PPP1R15B: variants seen among roughly 807,000 people sequenced by gnomAD.
PPP1R15B encodes the protein protein phosphatase 1, regulatory (inhibitor) subunit 15B.
Under a neutral mutation model 53.9 loss-of-function variants are expected in PPP1R15B, and 31 were observed. The observed-to-expected ratio is 0.58, with a 90% CI of 0.43 to 0.78. PPP1R15B has a LOEUF of 0.78. Among genes scored for constraint, PPP1R15B ranks in the 30% least tolerant of loss-of-function variants. The pLI, the probability that PPP1R15B is intolerant of heterozygous loss-of-function variation, is 0.00. For synonymous variants in PPP1R15B, 345 were observed against 329.1 expected, an observed-to-expected ratio of 1.05 and a Z score of -0.52; for missense variants, 928 against 849.6, an observed-to-expected ratio of 1.09 and a Z score of -1.15.
chr1:204,402,543 G>A (rs1674195311), downstream of PPP1R15B, among the ~76,000 whole-genome samples: 8 of 152,038 alleles, frequency 5.3e-5, no homozygotes, highest in South Asian at 1.7e-3. Flanking sequence ...CAGTAACTGG[G>A]TCTATAGGCT....
In PPP1R15B at chr1:204,411,288, G is replaced by A. The variant is rs1335888240; in HGVS notation, c.124C>T (p.Pro42Ser). The part of the protein sequence containing the change: ...GSSKFPTPLG[P>S]ENSGNPTLLS... ...AGTGTGGGGTTCCCGGAGTTTTCCG[G>A]GCCAAGAGGCGTCGGGAACTTAGAA... Residue 42 changes from proline (P) to serine (S), a missense_variant, in exon 1 of 2, where the codon CCG (proline) becomes TCG (serine). Pro to Ser is a moderately conservative substitution (Grantham distance 74, BLOSUM62 -1). Transcript: ENST00000367188. 6.2e-7 allele frequency: 1 copy of A among 1,614,214 alleles called. No homozygotes were observed. Among genetic ancestry groups the A allele is most frequent in the Admixed American group, 1.7e-5 (1 of 60,030 alleles).
At chr1:204,406,526 G>T (rs1674267124) in intron 1 of PPP1R15B, among the ~76,000 whole-genome samples, 2 of 152,106 alleles carry the variant, frequency 1.3e-5, no homozygotes, top group African/African-American at 4.8e-5. Flanking sequence ...GAAGCAGGCG[G>T]ATCACCTGAG....
At chr1:204,400,444 G>C (rs2103439525), downstream of PPP1R15B, among the ~76,000 whole-genome samples, 1 of 151,620 alleles carries the variant, frequency 6.6e-6, no homozygotes, top group East Asian at 1.9e-4. Flanking sequence ...CAAGTAGGTG[G>C]GACTACAGGC....
downstream of PPP1R15B, among the ~76,000 whole-genome samples, chr1:204,403,086 T>C (rs1413487946): frequency 6.6e-6 from 1 of 151,960 alleles, no homozygotes; most frequent in Non-Finnish European, 1.5e-5. Flanking sequence ...ATAATAATAA[T>C]AATGCACAAA....
At chr1:204,398,780 CAA>C (rs1019085315), downstream of PPP1R15B, among the ~76,000 whole-genome samples, 12 of 152,260 alleles carry the variant, frequency 7.9e-5, no homozygotes, top group African/African-American at 2.9e-4. Flanking sequence ...AATCTTCTGC[CAA>C]AGAGCTAAAA....
In PPP1R15B at chr1:204,410,303, G is replaced by A. The variant is rs766490167; in HGVS notation, c.1109C>T (p.Thr370Ile). ...STEEKIELLT[T>I]EVPLALEEES... ...TTCTTCCAAAGCAAGTGGAACCTCTGTAGTTAATAATTCTATTTTTTCTTC... is the reference window on the plus strand; with the variant it reads ...TTCTTCCAAAGCAAGTGGAACCTCTATAGTTAATAATTCTATTTTTTCTTC... The change falls in exon 1 of 2, where the codon ACA (threonine) becomes ATA (isoleucine). Residue 370 changes from threonine to isoleucine, a missense_variant. Physicochemically the swap from Thr to Ile is moderately conservative, Grantham distance 89. Coordinates refer to ENST00000367188, the MANE Select transcript of PPP1R15B (RefSeq NM_032833.5). 3 of 1,614,022 alleles carry A rather than the reference G, an allele frequency of 1.9e-6. No individual in the cohort carries two copies. Among genetic ancestry groups the A allele is most frequent in the East Asian group, 4.5e-5 (2 of 44,902 alleles).
rs971054845 is a variant in PPP1R15B, at chr1:204,410,277, C to G, written c.1135G>C (p.Glu379Gln). ...TTEVPLALEE[E>Q]SPSEGCPSSE... ...GATGGACAGCCCTCAGAAGGGCTCT[C>G]TTCTTCCAAAGCAAGTGGAACCTCT... Residue 379 changes from glutamate to glutamine, a missense_variant, in exon 1 of 2, where the codon GAG (glutamate) becomes CAG (glutamine). Physicochemically the swap from Glu to Gln is conservative, Grantham distance 29. Transcript: ENST00000367188. The G allele has an allele frequency of 1.9e-5, 30 of 1,614,050 alleles. No homozygotes were observed. The highest frequency in any genetic ancestry group is 2.4e-5 in the Non-Finnish European group (28 of 1,180,040).
At chr1:204,403,363 G>C, downstream of PPP1R15B, 1 of 648,600 alleles carries the variant, frequency 1.5e-6, no homozygotes, top group Non-Finnish European at 1.9e-6. Context: ...ATAATATAAA[G>C]TTGAACCAAA....
rs977861847 is a variant in PPP1R15B at position 204,404,860 on chromosome 1, A to T, written c.*1232T>A. The T allele has an allele frequency of 2.9e-5, 29 of 985,792 alleles. No individual in the cohort carries two copies. In the African/African-American group the frequency reaches 4.9e-4, roughly 17 times the overall value. The allele number at this position is 985,792 out of a possible 1,614,324, so 61.1% of individuals were successfully genotyped here. ...AGCTAAACAAATAAACCAAACACAA[A>T]CAGTCAATGCAAAGACTTCAATTCA... On this transcript the variant is annotated 3_prime_UTR_variant, in exon 2 of 2. Coordinates refer to ENST00000367188, the MANE Select transcript of PPP1R15B (RefSeq NM_032833.5).
rs1674368737 is a variant in PPP1R15B, at chr1:204,411,188, G to A, written c.224C>T (p.Pro75Leu). 1 of 1,614,234 alleles carries A rather than the reference G, an allele frequency of 6.2e-7. No individual in the cohort carries two copies. Among genetic ancestry groups the A allele is most frequent in the South Asian group, 1.1e-5 (1 of 91,088 alleles). ...KLLSQLLAPL[P>L]GLLQKVLIWS... ...AATTAGCACCTTCTGAAGCAATCCG[G>A]GGAGCGGCGCAAGGAGCTGGGAGAG... Residue 75 changes from proline to leucine, a missense_variant, in exon 1 of 2, where the codon CCC becomes CTC. Coordinates refer to ENST00000367188, the MANE Select transcript of PPP1R15B (RefSeq NM_032833.5).
At chr1:204,406,665 C>T (rs1336823377) in intron 1 of PPP1R15B, among the ~76,000 whole-genome samples, 1 of 151,418 alleles carries the variant, frequency 6.6e-6, no homozygotes, top group African/African-American at 2.4e-5. Context: ...GGTAGGAGAA[C>T]AGTTTGAACC....
Position 204,411,598 on chromosome 1 carries a change from G to A in PPP1R15B, c.-187C>T. The A allele has an allele frequency of 5.5e-6, 4 of 730,204 alleles. No individual in the cohort carries two copies. The highest frequency in any genetic ancestry group is 6.6e-6 in the Non-Finnish European group (3 of 452,090). 45.2% of individuals were successfully genotyped at this position (730,204 alleles called of 1,614,324 possible). A position where few individuals can be genotyped will look rare whatever the true frequency, so the allele number is the denominator to read the frequency against. ...TGCGGCAGCGGGCGGCAGAACACAG[G>A]GAAGAACAGCCCGCGCAATAGGCGG... is the stretch of plus-strand genomic sequence containing the variant. On this transcript the variant is annotated 5_prime_UTR_variant, in exon 1 of 2. Transcript: ENST00000367188.
rs562992054 is a variant in PPP1R15B at position 204,403,706 on chromosome 1, T to C, written c.*2386A>G. On this transcript the variant is annotated 3_prime_UTR_variant, in exon 2 of 2. Coordinates refer to ENST00000367188, the MANE Select transcript of PPP1R15B (RefSeq NM_032833.5). ...TTAACAAGACTTTAAATGTATAAAA[T>C]GTTTAATTAAAACCTCCAAAGATTT... 2 of 984,926 alleles carry C rather than the reference T, an allele frequency of 2.0e-6. No homozygotes were observed. The highest frequency in any genetic ancestry group is 1.1e-4 in the East Asian group (1 of 8,816). The allele number at this position is 984,926 out of a possible 1,614,324, so 61.0% of individuals were successfully genotyped here.
chr1:204,406,898 C>T (rs189286072), intron 1 of PPP1R15B, among the ~76,000 whole-genome samples: 1 of 151,750 alleles, frequency 6.6e-6, no homozygotes, highest in Non-Finnish European at 1.5e-5. Context: ...AGTCGTCTGC[C>T]CCCCCCAATC....
chr1:204,402,592 GT>G (rs373365128), downstream of PPP1R15B, among the ~76,000 whole-genome samples: 2 of 149,958 alleles, frequency 1.3e-5, no homozygotes, highest in Admixed American at 6.7e-5. Flanking sequence ...CAGTTTTTTT[GT>G]TTTTTTTTGT....
intron 1 of PPP1R15B, among the ~76,000 whole-genome samples, chr1:204,408,538 G>T (rs566453621): frequency 1.3e-5 from 2 of 152,290 alleles, no homozygotes; most frequent in East Asian, 3.9e-4. Flanking sequence ...AGAATCTGAG[G>T]TCAATAATAA....
rs760603744 is a variant in PPP1R15B at position 204,410,382 on chromosome 1, T to G, written c.1030A>C (p.Thr344Pro). The change falls in exon 1 of 2, where the codon ACA (threonine) becomes CCA (proline). Residue 344 changes from threonine to proline, a missense_variant. Physicochemically the swap from Thr to Pro is conservative, Grantham distance 38. Coordinates refer to ENST00000367188, the MANE Select transcript of PPP1R15B (RefSeq NM_032833.5). ...MDPKHCRDNP[T>P]QFVPAAGDIP... ...TCTCCAGCAGCAGGAACAAACTGTG[T>G]TGGGTTATCTCTGCAGTGTTTTGGA... is the stretch of plus-strand genomic sequence containing the variant. 3 of 1,614,078 alleles carry G rather than the reference T, an allele frequency of 1.9e-6. No homozygotes were observed. The African/African-American group carries it at 4.0e-5, about 22-fold the overall frequency.
chr1:204,405,919 C>G lies in PPP1R15B; in HGVS notation c.*173G>C. 2.8e-6 allele frequency: 4 copies of G among 1,407,864 alleles called. No individual in the cohort carries two copies. The highest frequency in any genetic ancestry group is 3.7e-6 in the Non-Finnish European group (4 of 1,084,284). 87.2% of individuals were successfully genotyped at this position (1,407,864 alleles called of 1,614,324 possible). On this transcript the variant is annotated 3_prime_UTR_variant, in exon 2 of 2. Coordinates refer to ENST00000367188, the MANE Select transcript of PPP1R15B (RefSeq NM_032833.5). Reference sequence around the variant, plus strand: ...CATCCTTCATTATCAGGGCTGGCTTCAAACCTGAATGTTTCTGAGTGGGAT... The same window carrying G: ...CATCCTTCATTATCAGGGCTGGCTTGAAACCTGAATGTTTCTGAGTGGGAT...
At chr1:204,396,948 C>T (rs149983182), downstream of PPP1R15B, among the ~76,000 whole-genome samples, 1 of 152,176 alleles carries the variant, frequency 6.6e-6, no homozygotes, top group African/African-American at 2.4e-5. Context: ...AATCTCAACA[C>T]TTTGGGAGGC....
Sources: gnomAD v4.1 joint callset for allele counts (sites outside exome capture counted in the v4.1 genomes callset) on GRCh38, gnomAD v4.1.1 for gene constraint, MANE v1.5 for transcripts, NCBI Gene and HGNC (gene_info 2026-07-23, HGNC 2026-07-21) for gene names.